BOLL: variants seen among roughly 807,000 people sequenced by gnomAD.
BOLL encodes the protein boule RNA binding protein.
In BOLL, 23 loss-of-function variants were observed where a neutral mutation model predicts 44.4. The ratio of observed to expected loss-of-function variants is 0.52; its 90% confidence interval spans 0.37 to 0.73. BOLL has a LOEUF of 0.73. Among genes scored for constraint, BOLL ranks in the 30% least tolerant of loss-of-function variants. The pLI, the probability that BOLL is intolerant of heterozygous loss-of-function variation, is 0.00. For synonymous variants in BOLL, 97 were observed against 110.8 expected, an observed-to-expected ratio of 0.88 and a Z score of 0.78; for missense variants, 287 against 338.3, an observed-to-expected ratio of 0.85 and a Z score of 1.19.
chr2:197,768,600 G>A (rs1186089494), intron 6 of BOLL, among the ~76,000 whole-genome samples: 1 of 151,548 alleles, frequency 6.6e-6, no homozygotes. Flanking sequence ...CAGGAAATAG[G>A]TGGATTAGTC....
chr2:197,783,621 A>G (rs1478934812), intron 1 of BOLL, among the ~76,000 whole-genome samples: 3 of 152,206 alleles, frequency 2.0e-5, no homozygotes, highest in Non-Finnish European at 4.4e-5. Context: ...ACATTTAATA[A>G]TTACTATGTT....
At chr2:197,742,976 A>G (rs1052467083) in intron 10 of BOLL, 85 bp downstream of exon 10, 51 of 1,035,156 alleles carry the variant, frequency 4.9e-5, no homozygotes, top group Non-Finnish European at 6.4e-5. Context: ...AATATCCAAA[A>G]TTGTTCCTTT....
intron 9 of BOLL, among the ~76,000 whole-genome samples, chr2:197,744,145 A>G (rs1230775469): frequency 6.6e-6 from 1 of 152,214 alleles, no homozygotes; most frequent in Non-Finnish European, 1.5e-5. Flanking sequence ...AAAACCCAGT[A>G]TGTATTTTAC....
At chr2:197,733,482 A>G (rs912806325) in intron 10 of BOLL, among the ~76,000 whole-genome samples, 1 of 151,542 alleles carries the variant, frequency 6.6e-6, no homozygotes, top group Non-Finnish European at 1.5e-5. Context: ...ATATGGAACC[A>G]AAAAAGAGCC....
rs989026578 is a variant in BOLL, at chr2:197,777,254, A to C, written c.222-141T>G. On this transcript the variant is annotated intron_variant, in intron 3 of 10. Transcript: ENST00000392296. Reference sequence around the variant, plus strand: ...TGTTTCTATGCTGCACTAGCATGGGAATCTTAGAAGAATCATTCACAGCCT... The same window carrying C: ...TGTTTCTATGCTGCACTAGCATGGGCATCTTAGAAGAATCATTCACAGCCT... 5 of 440,364 alleles carry C rather than the reference A, an allele frequency of 1.1e-5. No individual in the cohort carries two copies. In the Admixed American group the frequency reaches 2.1e-4, roughly 18 times the overall value. The allele number at this position is 440,364 out of a possible 1,614,324, so 27.3% of individuals were successfully genotyped here.
intron 7 of BOLL, 84 bp downstream of exon 7, chr2:197,766,448 G>T (rs1184630198): frequency 5.3e-6 from 6 of 1,136,552 alleles, no homozygotes; most frequent in Non-Finnish European, 7.8e-6. Context: ...TAGCAAAGTA[G>T]TTGCATGAGA....
In BOLL at chr2:197,746,389, T is replaced by A. The variant is rs137963755; in HGVS notation, c.730-3230A>T. 2.5e-3 allele frequency among the ~76,000 whole-genome samples: 386 copies of A among 152,320 alleles called. 5 individuals are homozygous for A. Among genetic ancestry groups the A allele is most frequent in the African/African-American group, 9.0e-3 (373 of 41,554 alleles). The stretch of plus-strand genomic sequence containing the variant: ...TATTGATAATAGTCAAGATATGGAA[T>A]CAACCTTAGTGTCCATCAATCAGTG... On this transcript the variant is annotated intron_variant, in intron 9 of 10. Coordinates refer to ENST00000392296, the MANE Select transcript of BOLL (RefSeq NM_033030.6).
At chr2:197,731,865 A>G (rs1340444874) in intron 10 of BOLL, among the ~76,000 whole-genome samples, 1 of 151,428 alleles carries the variant, frequency 6.6e-6, no homozygotes, top group Non-Finnish European at 1.5e-5. Context: ...GAAAGCAGGA[A>G]AGATACAAAA....
chr2:197,738,671 T>C (rs1356697933), intron 10 of BOLL, among the ~76,000 whole-genome samples: 2 of 152,182 alleles, frequency 1.3e-5, no homozygotes, highest in African/African-American at 4.8e-5. Context: ...TTGGGATATC[T>C]TCAATTAACA....
intron 8 of BOLL, 84 bp downstream of exon 8, chr2:197,757,269 T>TA (rs1363842474): frequency 5.0e-6 from 6 of 1,209,834 alleles, no homozygotes; most frequent in East Asian, 2.4e-5. Context: ...GTCTCAAATC[T>TA]AAAAAACTTT....
Position 197,773,779 on chromosome 2 carries a change from G to A in BOLL, c.353-1797C>T, listed in dbSNP as rs1358296334. 2.0e-5 allele frequency among the ~76,000 whole-genome samples: 3 copies of A among 151,964 alleles called. No homozygotes were observed. The South Asian group carries it at 6.2e-4, about 31-fold the overall frequency. ...AAATAAGCTGAGCATAAGACAATAA[G>A]AGGTGCACTTTTGAAAGATCACTCT... is the stretch of plus-strand genomic sequence containing the variant. On this transcript the variant is annotated intron_variant, in intron 5 of 10. Transcript: ENST00000392296.
chr2:197,747,122 A>C (rs1688021451), intron 9 of BOLL, among the ~76,000 whole-genome samples: 1 of 152,048 alleles, frequency 6.6e-6, no homozygotes, highest in Non-Finnish European at 1.5e-5. Flanking sequence ...ACCACAAACA[A>C]AAAAAAGGAT....
At chr2:197,733,443 C>T (rs1447301654) in intron 10 of BOLL, among the ~76,000 whole-genome samples, 1 of 151,070 alleles carries the variant, frequency 6.6e-6, no homozygotes, top group African/African-American at 2.4e-5. Context: ...ACTTTCTTCA[C>T]AGAATTGGAA....
chr2:197,752,920 T>C (rs1467679961), intron 9 of BOLL, among the ~76,000 whole-genome samples: 31 of 152,166 alleles, frequency 2.0e-4, no homozygotes, highest in Non-Finnish European at 4.6e-4. Flanking sequence ...AAGGCTACAC[T>C]AACCAAAACA....
intron 5 of BOLL, chr2:197,774,784 TAAC>T (rs1399940556): frequency 6.6e-6 from 1 of 151,930 alleles, no homozygotes; most frequent in Non-Finnish European, 1.5e-5. Flanking sequence ...TCTCCTAAAT[TAAC>T]AAATACTAAG....
chr2:197,764,473 G>T (rs1574848053), intron 7 of BOLL, among the ~76,000 whole-genome samples: 1 of 152,226 alleles, frequency 6.6e-6, no homozygotes, highest in East Asian at 1.9e-4. Flanking sequence ...CTCATATATG[G>T]AAGCTAAAAA....
chr2:197,749,152 C>T (rs1455392877), intron 9 of BOLL, among the ~76,000 whole-genome samples: 1 of 152,158 alleles, frequency 6.6e-6, no homozygotes, highest in Non-Finnish European at 1.5e-5. Context: ...GGGCCTGACT[C>T]TTAGAAGGAA....
At chr2:197,734,274 C>T (rs1687363893) in intron 10 of BOLL, among the ~76,000 whole-genome samples, 2 of 151,884 alleles carry the variant, frequency 1.3e-5, no homozygotes, top group African/African-American at 4.8e-5. Context: ...TACCATCTCA[C>T]ACCAGTTAGA....
chr2:197,786,082 G>A (rs903982612), upstream of BOLL: 3 of 1,548,968 alleles, frequency 1.9e-6, no homozygotes, highest in African/African-American at 2.7e-5. The surrounding 1 kb of genome is among the most constrained non-coding windows in gnomAD (Gnocchi z 5.9). Context: ...CAAGGCAGCA[G>A]CGCTGCTTGT....
Sources: gnomAD v4.1 joint callset for allele counts (sites outside exome capture counted in the v4.1 genomes callset) on GRCh38, gnomAD v4.1.1 for gene constraint, Gnocchi (gnomAD v3.1) non-coding constraint, MANE v1.5 for transcripts, NCBI Gene and HGNC (gene_info 2026-07-23, HGNC 2026-07-21) for gene names.